The following PDIA5 variants were observed in gnomAD, a reference collection of about 807,000 sequenced individuals.
PDIA5 encodes protein disulfide isomerase family A member 5.
Under a neutral mutation model 77.6 loss-of-function variants are expected in PDIA5, and 58 were observed. That is an observed-to-expected ratio of 0.75 (90% CI 0.61 to 0.93). PDIA5 has a LOEUF of 0.93. Among genes scored for constraint, PDIA5 ranks in the 40% least tolerant of loss-of-function variants. The probability of loss-of-function intolerance (pLI) is 0.00; values close to 1 mark genes in which losing one functional copy is unlikely to be tolerated. For missense variants in PDIA5, 630 were observed against 647.7 expected (o/e 0.97, Z 0.30); for synonymous variants, 250 against 252.1 (o/e 0.99, Z 0.08).
intron 1 of PDIA5, among the ~76,000 whole-genome samples, chr3:123,076,699 G>A (rs1045305069): frequency 2.6e-5 from 4 of 152,130 alleles, no homozygotes; most frequent in African/African-American, 9.7e-5. Flanking sequence ...TTGATTTCCG[G>A]AGTGGGAATT....
intron 14 of PDIA5, 94 bp downstream of exon 14, chr3:123,150,458 C>A: frequency 8.0e-7 from 1 of 1,254,758 alleles, no homozygotes; most frequent in Non-Finnish European, 1.1e-6. Flanking sequence ...GGGACCAAGG[C>A]AGCCGCTGAT....
At chr3:123,133,081 T>C (rs369529057) in intron 11 of PDIA5, among the ~76,000 whole-genome samples, 63 of 152,280 alleles carry the variant, frequency 4.1e-4, no homozygotes, top group African/African-American at 1.5e-3. Flanking sequence ...TAGGGAGGGA[T>C]GGAATGTACA....
intron 1 of PDIA5, among the ~76,000 whole-genome samples, chr3:123,074,902 T>C (rs1933812112): frequency 1.3e-5 from 2 of 152,246 alleles, no homozygotes; most frequent in South Asian, 2.1e-4. Flanking sequence ...TTTAGTATCA[T>C]ACTGGAGTAT....
rs538459485 is a variant in PDIA5 at position 123,139,308 on chromosome 3, G to A, written c.911-6214G>A. Among the ~76,000 whole-genome samples, 71 of 152,254 alleles carry A rather than the reference G, an allele frequency of 4.7e-4. 1 individual carries two copies. The highest frequency in any genetic ancestry group is 1.0e-3 in the South Asian group (5 of 4,822). On this transcript the variant is annotated intron_variant, in intron 11 of 16. Transcript: ENST00000316218. ...CCAGGAGGCTGGTCCTCAGGTCACC[G>A]CCAGCTCTATCCATCACCCACGGCT...
chr3:123,106,652 A>T, intron 5 of PDIA5, 97 bp from the exon 6 acceptor site: 1 of 822,224 alleles, frequency 1.2e-6, no homozygotes, highest in Non-Finnish European at 2.0e-6. Flanking sequence ...TGGTGTGCCC[A>T]GGTCTCCAGG....
chr3:123,115,039 G>C (rs1934963015), intron 7 of PDIA5, among the ~76,000 whole-genome samples: 2 of 152,146 alleles, frequency 1.3e-5, no homozygotes, highest in Non-Finnish European at 2.9e-5. Context: ...TGGCCTTCTG[G>C]CTTCACGGCC....
intron 10 of PDIA5, among the ~76,000 whole-genome samples, chr3:123,128,273 C>A (rs1259581215): frequency 6.6e-6 from 1 of 152,212 alleles, no homozygotes; most frequent in African/African-American, 2.4e-5. Flanking sequence ...TCTGCTTTTT[C>A]TGACCAGAAA....
chr3:123,108,040 T>C (rs183747012), intron 6 of PDIA5, among the ~76,000 whole-genome samples: 1 of 152,240 alleles, frequency 6.6e-6, no homozygotes, highest in East Asian at 1.9e-4. Context: ...CAAGCAATCC[T>C]CCTGCCTCAG....
intron 13 of PDIA5, among the ~76,000 whole-genome samples, chr3:123,148,000 G>T (rs928533678): frequency 1.3e-5 from 2 of 152,160 alleles, no homozygotes; most frequent in African/African-American, 2.4e-5. Flanking sequence ...CTTTCTGTGT[G>T]CCACTGCTGC....
At chr3:123,145,980 C>T in intron 12 of PDIA5, 119 bp from the exon 13 acceptor site, 1 of 907,028 alleles carries the variant, frequency 1.1e-6, no homozygotes, top group Non-Finnish European at 1.7e-6. Context: ...CTGGGCTAGC[C>T]ACCCCAGTTA....
Position 123,142,698 on chromosome 3 carries a change from G to A in PDIA5, c.911-2824G>A, listed in dbSNP as rs558914081. Among the ~76,000 whole-genome samples the A allele has an allele frequency of 3.3e-5, 5 of 152,322 alleles. No individual in the cohort carries two copies. The South Asian group carries it at 1.0e-3, about 32-fold the overall frequency. ...AGGAACAGCCAGGCTGTCTTGCCCA[G>A]CCCAGGGGCAGCCTCTGGGGGGGCC... On this transcript the variant is annotated intron_variant, in intron 11 of 16. Coordinates refer to ENST00000316218, the MANE Select transcript of PDIA5 (RefSeq NM_006810.4).
intron 1 of PDIA5, among the ~76,000 whole-genome samples, chr3:123,076,414 C>T (rs1159007156): frequency 6.6e-6 from 1 of 152,178 alleles, no homozygotes; most frequent in Non-Finnish European, 1.5e-5. Flanking sequence ...TACAGTGTAA[C>T]CCAGTACACA....
chr3:123,154,071 A>G (rs1935968725), intron 14 of PDIA5, among the ~76,000 whole-genome samples: 1 of 152,138 alleles, frequency 6.6e-6, no homozygotes, highest in Non-Finnish European at 1.5e-5. Flanking sequence ...TGCTGAGGGA[A>G]GGGCTGGATC....
chr3:123,153,485 G>A (rs1935957855), intron 14 of PDIA5, among the ~76,000 whole-genome samples: 1 of 152,224 alleles, frequency 6.6e-6, no homozygotes, highest in African/African-American at 2.4e-5. Flanking sequence ...TTAGTGAAGT[G>A]TTACTTGTAA....
At chr3:123,104,541 C>G (rs948297298) in intron 5 of PDIA5, among the ~76,000 whole-genome samples, 1 of 152,236 alleles carries the variant, frequency 6.6e-6, no homozygotes, top group African/African-American at 2.4e-5. Context: ...GGGCAGAAGC[C>G]TGGTCACAGA....
chr3:123,075,184 A>C (rs1321265405), intron 1 of PDIA5, among the ~76,000 whole-genome samples: 1 of 152,174 alleles, frequency 6.6e-6, no homozygotes, highest in Non-Finnish European at 1.5e-5. Flanking sequence ...TTTGTATGAG[A>C]ATTAGGCTTT....
At chr3:123,126,758 A>G (rs1320245836) in intron 10 of PDIA5, among the ~76,000 whole-genome samples, 2 of 152,188 alleles carry the variant, frequency 1.3e-5, no homozygotes, top group African/African-American at 4.8e-5. Flanking sequence ...CAGCCTAGCT[A>G]ATTCTCCAAA....
At position 123,074,122 on chromosome 3, in the gene PDIA5, A is replaced by G. The variant is rs187381594; in HGVS notation, c.42+6916A>G. ...CCAACATCAGCATCCTACATGTGCC[A>G]CAGATGTTCATTCATTCAACAGATA... On this transcript the variant is annotated intron_variant, in intron 1 of 16. Transcript: ENST00000316218. Among the ~76,000 whole-genome samples the G allele has an allele frequency of 8.1e-3, 1,235 of 152,354 alleles. 8 individuals carry two copies. Among genetic ancestry groups the G allele is most frequent in the Non-Finnish European group, 0.014 (964 of 68,038 alleles).
intron 1 of PDIA5, among the ~76,000 whole-genome samples, chr3:123,084,224 C>T (rs773574640): frequency 5.8e-4 from 88 of 152,176 alleles, no homozygotes; most frequent in Non-Finnish European, 1.2e-3. Flanking sequence ...GACCCTGTGG[C>T]ACTTCCTTGC....
Sources: allele counts gnomAD v4.1 joint callset (sites outside exome capture counted in the v4.1 genomes callset), GRCh38; gene constraint gnomAD v4.1.1; transcripts MANE v1.5; gene names NCBI Gene and HGNC (gene_info 2026-07-23, HGNC 2026-07-21).